The following EXOC4 variants were observed in gnomAD, a reference collection of about 807,000 sequenced individuals.
The protein encoded by EXOC4 is SEC8-like 1.
In EXOC4, 71 loss-of-function variants were observed where a neutral mutation model predicts 107.2. That is an observed-to-expected ratio of 0.66 (90% CI 0.55 to 0.81). EXOC4 has a LOEUF of 0.81. Ranked by LOEUF, EXOC4 falls within the 30% of genes least tolerant of loss-of-function variation. EXOC4 has a pLI of 0.00. For synonymous variants in EXOC4, 456 were observed against 441.2 expected, an observed-to-expected ratio of 1.03 and a Z score of -0.42; for missense variants, 1,108 against 1,189.6, an observed-to-expected ratio of 0.93 and a Z score of 1.01.
chr7:133,275,006 C>T lies in EXOC4; in HGVS notation c.111C>T (p.Val37=), dbSNP rs779220840. 9 of 1,610,938 alleles carry T rather than the reference C, an allele frequency of 5.6e-6. No homozygotes were observed. Among genetic ancestry groups the T allele is most frequent in the African/African-American group, 1.3e-5 (1 of 74,822 alleles). ...GGACTCTGTCTACTAGTGACGATGT[C>T]GAAGACAGGGAAAATGAAAAGGGTC... is the stretch of plus-strand genomic sequence containing the variant. The part of the protein sequence containing the change: ...VIRTLSTSDD[V]EDRENEKGRL... Residue 37 remains valine (V), a synonymous_variant, in exon 2 of 18, where the codon GTC becomes GTT. Coordinates refer to ENST00000253861, the MANE Select transcript of EXOC4 (RefSeq NM_021807.4).
At chr7:133,989,901 C>T (rs1490227949) in intron 14 of EXOC4, among the ~76,000 whole-genome samples, 1 of 152,118 alleles carries the variant, frequency 6.6e-6, no homozygotes, top group East Asian at 1.9e-4. Context: ...GGTAGCCAAG[C>T]ACCAGGGAAA....
chr7:133,726,319 G>C (rs1795214153), intron 10 of EXOC4, among the ~76,000 whole-genome samples: 1 of 152,222 alleles, frequency 6.6e-6, no homozygotes, highest in Admixed American at 6.5e-5. Context: ...CCAAGTACAA[G>C]TGTGTCAAGT....
chr7:133,561,976 GTATTTAA>G (rs2150951437), intron 9 of EXOC4, among the ~76,000 whole-genome samples: 1 of 152,262 alleles, frequency 6.6e-6, no homozygotes, highest in East Asian at 1.9e-4. Flanking sequence ...ATTTATTTCA[GTATTTAA>G]TATTAGTGTT....
intron 9 of EXOC4, among the ~76,000 whole-genome samples, chr7:133,491,437 G>A (rs1799369949): frequency 6.6e-6 from 1 of 152,096 alleles, no homozygotes; most frequent in Non-Finnish European, 1.5e-5. Flanking sequence ...CTCTGTTTGG[G>A]CTTTGAGTAG....
chr7:133,915,301 T>A (rs957392964), intron 12 of EXOC4, among the ~76,000 whole-genome samples: 3 of 151,842 alleles, frequency 2.0e-5, no homozygotes, highest in African/African-American at 7.3e-5. Flanking sequence ...GAATATATAG[T>A]GGAAAGAGTA....
intron 7 of EXOC4, among the ~76,000 whole-genome samples, chr7:133,473,271 A>G (rs1798925891): frequency 2.0e-5 from 3 of 152,224 alleles, no homozygotes; most frequent in African/African-American, 7.2e-5. Context: ...TAACAGAGCT[A>G]GTACTTATCA....
At chr7:133,467,591 T>TTC (rs1798762152) in intron 7 of EXOC4, among the ~76,000 whole-genome samples, 1 of 151,580 alleles carries the variant, frequency 6.6e-6, no homozygotes, top group Admixed American at 6.6e-5. Flanking sequence ...ATTCTTTTTT[T>TTC]TTTTTTTTTT....
intron 10 of EXOC4, among the ~76,000 whole-genome samples, chr7:133,779,522 A>G (rs887561825): frequency 2.6e-5 from 4 of 152,226 alleles, no homozygotes; most frequent in Admixed American, 6.5e-5. Context: ...TATTTAGGTC[A>G]GAGGACTTAT....
At chr7:133,834,657 G>A (rs1032114090) in intron 11 of EXOC4, among the ~76,000 whole-genome samples, 13 of 152,326 alleles carry the variant, frequency 8.5e-5, no homozygotes, top group South Asian at 4.1e-4. Flanking sequence ...GAGCAGAGGC[G>A]CCAAAGTATA....
At chr7:134,015,408 T>C (rs971328286) in intron 17 of EXOC4, among the ~76,000 whole-genome samples, 3 of 152,140 alleles carry the variant, frequency 2.0e-5, no homozygotes, top group African/African-American at 7.2e-5. Context: ...TAAATACTTG[T>C]GGGGTGTTAA....
chr7:133,343,396 GT>G (rs1795710416), intron 5 of EXOC4, among the ~76,000 whole-genome samples: 1 of 151,936 alleles, frequency 6.6e-6, no homozygotes. Flanking sequence ...CTCTCAGCTG[GT>G]CTCTCAGCCA....
At chr7:133,386,669 T>C (rs1796734365) in intron 7 of EXOC4, among the ~76,000 whole-genome samples, 1 of 152,188 alleles carries the variant, frequency 6.6e-6, no homozygotes, top group South Asian at 2.1e-4. Context: ...TGAGTGGAAG[T>C]GAAATTGTAG....
chr7:134,081,248 CGGGAGAATCACTTGAGCCCA>C, the EXOC4 span, among the ~76,000 whole-genome samples: 1 of 152,030 alleles, frequency 6.6e-6, no homozygotes, highest in Non-Finnish European at 1.5e-5. Context: ...GAGGCTGAGG[CGGGAGAATCACTTGAGCCCA>C]GGGGGTGGAA....
At chr7:133,532,048 G>A (rs537122491) in intron 9 of EXOC4, among the ~76,000 whole-genome samples, 40 of 151,982 alleles carry the variant, frequency 2.6e-4, no homozygotes, top group Admixed American at 1.3e-4. Context: ...TTTTATACAT[G>A]AAACGGGTTT....
intron 17 of EXOC4, among the ~76,000 whole-genome samples, chr7:134,050,303 A>G (rs1454916500): frequency 6.6e-6 from 1 of 152,214 alleles, no homozygotes; most frequent in African/African-American, 2.4e-5. Flanking sequence ...TAAGCACTTT[A>G]TAAATATTAA....
At chr7:133,457,065 C>T (rs549397845) in intron 7 of EXOC4, among the ~76,000 whole-genome samples, 2 of 152,154 alleles carry the variant, frequency 1.3e-5, no homozygotes, top group East Asian at 1.9e-4. Flanking sequence ...AAATGCTCGT[C>T]GAATGAACAG....
At chr7:133,657,929 A>G (rs1034241206) in intron 10 of EXOC4, among the ~76,000 whole-genome samples, 9 of 152,204 alleles carry the variant, frequency 5.9e-5, no homozygotes, top group African/African-American at 2.2e-4. Flanking sequence ...TAAAATAGAC[A>G]TGAGTCATTC....
Position 133,997,536 on chromosome 7 carries a change from C to G in EXOC4, c.2251C>G (p.Pro751Ala). 7 of 1,613,764 alleles carry G rather than the reference C, an allele frequency of 4.3e-6. No homozygotes were observed. The highest frequency in any genetic ancestry group is 1.1e-5 in the South Asian group (1 of 91,070). The change falls in exon 15 of 18, where the codon CCA (proline) becomes GCA (alanine). Residue 751 changes from proline to alanine, a missense_variant. Pro to Ala is a conservative substitution (Grantham distance 27). Transcript: ENST00000253861. Reference protein sequence around the residue: ...QDSHTNTDLPPVSEQIMQTLS... With the variant: ...QDSHTNTDLPAVSEQIMQTLS... Reference sequence around the variant, plus strand: ...CAGCCACACGAACACGGATCTCCCCCCAGTGTCAGAGCAGATCATGCAGAC... The same window carrying G: ...CAGCCACACGAACACGGATCTCCCCGCAGTGTCAGAGCAGATCATGCAGAC...
chr7:134,017,679 G>A (rs1794941452), intron 17 of EXOC4, among the ~76,000 whole-genome samples: 2 of 151,982 alleles, frequency 1.3e-5, no homozygotes, highest in African/African-American at 4.8e-5. Context: ...CTTGAATGCG[G>A]GTGAGCATGC....
Sources: gnomAD v4.1 joint callset for allele counts (sites outside exome capture counted in the v4.1 genomes callset) on GRCh38, gnomAD v4.1.1 for gene constraint, MANE v1.5 for transcripts, NCBI Gene and HGNC (gene_info 2026-07-23, HGNC 2026-07-21) for gene names.